HSPA5: variants seen among roughly 807,000 people sequenced by gnomAD.
HSPA5 encodes the protein heat shock protein family A (Hsp70) member 5.
HSPA5 carries 16 observed loss-of-function variants against 49.5 expected under a neutral mutation model. That is an observed-to-expected ratio of 0.32 (90% confidence interval 0.22 to 0.49). The LOEUF (loss-of-function observed/expected upper bound fraction) is 0.49. Ranked by LOEUF, HSPA5 falls within the 20% of genes least tolerant of loss-of-function variation. HSPA5 has a pLI of 0.99. For synonymous variants in HSPA5, 271 were observed against 307.2 expected (o/e 0.88, Z 1.23); for missense variants, 376 against 819.0 (o/e 0.46, Z 6.60).
chr9:125,239,532 A>AC lies in HSPA5; in HGVS notation c.493dup (p.Val165GlyfsTer13). ...TGGTACAGTAACAACTGCATGGGTA[A>AC]CCTAAAAGGATAAAAGATAATTAAG... On this transcript the variant is annotated frameshift_variant and splice_region_variant, in exon 4 of 8. Coordinates refer to ENST00000324460, the MANE Select transcript of HSPA5 (RefSeq NM_005347.5). LOFTEE classifies it high-confidence loss of function. The surrounding 1 kb of genome is among the most constrained non-coding windows in gnomAD (Gnocchi z 5.5). 1 of 1,601,338 alleles carries AC rather than the reference A, an allele frequency of 6.2e-7. No homozygotes were observed. Among genetic ancestry groups the AC allele is most frequent in the Non-Finnish European group, 8.6e-7 (1 of 1,168,466 alleles).
chr9:125,238,668 G>A lies in HSPA5; in HGVS notation c.1156C>T (p.Arg386Cys). ...KEFFNGKEPS[R>C]GINPDEAVAY... Reference sequence around the variant, plus strand: ...ACAGCTTCATCTGGGTTTATGCCACGGGATGGTTCCTTGCCATTGAAGAAC... The same window carrying A: ...ACAGCTTCATCTGGGTTTATGCCACAGGATGGTTCCTTGCCATTGAAGAAC... Residue 386 changes from arginine (R) to cysteine (C), a missense_variant, in exon 6 of 8, where the codon CGT becomes TGT. Physicochemically the swap from Arg to Cys is radical, Grantham distance 180. Transcript: ENST00000324460. 3.1e-6 allele frequency: 5 copies of A among 1,614,154 alleles called. No homozygotes were observed. Among genetic ancestry groups the A allele is most frequent in the South Asian group, 1.1e-5 (1 of 91,088 alleles).
At position 125,236,082 on chromosome 9, in the gene HSPA5, TAAA is replaced by T. The variant is rs34358468; in HGVS notation, c.*507_*509del. On this transcript the variant is annotated 3_prime_UTR_variant, in exon 8 of 8. Transcript: ENST00000324460. ...AAGGATCACTTGGGCCCAGGAGGGT[TAAA>T]AAAAAAAAAAAAAATCCCTGGAAGC... is the stretch of plus-strand genomic sequence containing the variant. 7 of 141,072 alleles carry T rather than the reference TAAA, an allele frequency of 5.0e-5. No homozygotes were observed. Among genetic ancestry groups the T allele is most frequent in the Non-Finnish European group, 7.6e-5 (5 of 65,394 alleles). 8.7% of individuals were successfully genotyped at this position (141,072 alleles called of 1,614,324 possible).
chr9:125,237,313 CAAT>C (rs1233735678), intron 7 of HSPA5, among the ~76,000 whole-genome samples, 159 bp from the exon 8 acceptor site: 5 of 152,316 alleles, frequency 3.3e-5, no homozygotes, highest in African/African-American at 9.6e-5. Context: ...CTAGTACTAA[CAAT>C]GAGTTAGGTT....
At chr9:125,237,881 G>A (rs181600019) in intron 7 of HSPA5, among the ~76,000 whole-genome samples, 100 of 151,910 alleles carry the variant, frequency 6.6e-4, no homozygotes, top group African/African-American at 2.2e-3. Context: ...GCAGGCAGAT[G>A]ACCTGAGGTC....
Position 125,240,942 on chromosome 9 carries a change from C to T in HSPA5, c.123-35G>A, listed in dbSNP as rs1343466554. ...AAACCCGACAGAGGGACATCAGCAC[C>T]GCACTTCTCACGCCAGGCCAGGCGG... On this transcript the variant is annotated intron_variant, in intron 1 of 7. Transcript: ENST00000324460. This position sits in a 1 kb window ranked among gnomAD's most constrained non-coding sequence, Gnocchi z 4.4. 1 of 1,612,578 alleles carries T rather than the reference C, an allele frequency of 6.2e-7. No homozygotes were observed. The highest frequency in any genetic ancestry group is 1.1e-5 in the South Asian group (1 of 91,040).
chr9:125,236,218 A>C lies in HSPA5; in HGVS notation c.*374T>G. 1 of 183,642 alleles carries C rather than the reference A, an allele frequency of 5.4e-6. No homozygotes were observed. Among genetic ancestry groups the C allele is most frequent in the Non-Finnish European group, 1.1e-5 (1 of 89,532 alleles). The allele number at this position is 183,642 out of a possible 1,614,324, so 11.4% of individuals were successfully genotyped here. A position where few individuals can be genotyped will look rare whatever the true frequency, so the allele number is the denominator to read the frequency against. On this transcript the variant is annotated 3_prime_UTR_variant, in exon 8 of 8. Coordinates refer to ENST00000324460, the MANE Select transcript of HSPA5 (RefSeq NM_005347.5). ...CCTAAAATAAGTAATTGATCTAATT[A>C]GAAGCTTCTCACAAACATTAGACCA...
intron 6 of HSPA5, 42 bp downstream of exon 6, chr9:125,238,548 A>C (rs762008972): frequency 2.0e-6 from 3 of 1,475,492 alleles, no homozygotes; most frequent in Non-Finnish European, 2.8e-6. Flanking sequence ...TCTTCCATCA[A>C]GCTACTGAAT....
rs1832545991 is a variant in HSPA5, at chr9:125,240,132, A to G, written c.492+40T>C. 2 of 1,532,578 alleles carry G rather than the reference A, an allele frequency of 1.3e-6. No homozygotes were observed. Among genetic ancestry groups the G allele is most frequent in the African/African-American group, 2.8e-5 (2 of 71,682 alleles). 94.9% of individuals were successfully genotyped at this position (1,532,578 alleles called of 1,614,324 possible). A position where few individuals can be genotyped will look rare whatever the true frequency, so the allele number is the denominator to read the frequency against. ...ACATAACAGCCAACCGAGAATACTA[A>G]TGATCAAAAAATACTTAACATTGTT... On this transcript the variant is annotated intron_variant, in intron 3 of 7. Transcript: ENST00000324460. This position sits in a 1 kb window ranked among gnomAD's most constrained non-coding sequence, Gnocchi z 4.4.
At position 125,240,724 on chromosome 9, in the gene HSPA5, C is replaced by T; in HGVS notation, c.306G>A (p.Thr102=). The T allele has an allele frequency of 6.2e-7, 1 of 1,614,216 alleles. No homozygotes were observed. The highest frequency in any genetic ancestry group is 8.5e-7 in the Non-Finnish European group (1 of 1,180,040). The part of the protein sequence containing the change: ...VFDAKRLIGR[T]WNDPSVQQDI... ...CCTGCTGCACAGACGGGTCATTCCACGTGCGGCCGATGAGCCGCTTGGCGT... is the reference window on the plus strand; with the variant it reads ...CCTGCTGCACAGACGGGTCATTCCATGTGCGGCCGATGAGCCGCTTGGCGT... The change falls in exon 2 of 8, where the codon ACG becomes ACA. Residue 102 remains threonine, a synonymous_variant. Transcript: ENST00000324460. The surrounding 1 kb of genome is among the most constrained non-coding windows in gnomAD (Gnocchi z 4.4).
In HSPA5 at chr9:125,241,209, G is replaced by A. The variant is rs1015246611; in HGVS notation, c.-83C>T. The A allele has an allele frequency of 3.3e-5, 50 of 1,509,248 alleles. No individual in the cohort carries two copies. Among genetic ancestry groups the A allele is most frequent in the Non-Finnish European group, 4.2e-5 (47 of 1,124,942 alleles). The allele number at this position is 1,509,248 out of a possible 1,614,324, so 93.5% of individuals were successfully genotyped here. A position where few individuals can be genotyped will look rare whatever the true frequency, so the allele number is the denominator to read the frequency against. On this transcript the variant is annotated 5_prime_UTR_variant, in exon 1 of 8. Transcript: ENST00000324460. Reference sequence around the variant, plus strand: ...ACAGCGCAATTTCCGACTTGCAGGCGGCAGGGGCCCGGGGTCACAAGGCGC... The same window carrying A: ...ACAGCGCAATTTCCGACTTGCAGGCAGCAGGGGCCCGGGGTCACAAGGCGC...
Position 125,239,292 on chromosome 9 carries a change from C to G in HSPA5, c.645G>C (p.Glu215Asp). ...AAIAYGLDKR[E>D]GEKNILVFDL... ...CAAACACCAGGATGTTCTTCTCCCC[C>G]TCCCTCTTATCCAGGCCATAAGCAA... The change falls in exon 5 of 8, where the codon GAG (glutamate) becomes GAC (aspartate). Residue 215 changes from glutamate (E) to aspartate (D), a missense_variant. By Grantham distance (45) the Glu-to-Asp change is conservative. Around this residue, in one of 8 missense-constraint regions of HSPA5, gnomAD observed 89 missense variants for 200.0 expected, o/e 0.44. Transcript: ENST00000324460. This position sits in a 1 kb window ranked among gnomAD's most constrained non-coding sequence, Gnocchi z 5.5. 6.2e-7 allele frequency: 1 copy of G among 1,613,822 alleles called. No homozygotes were observed. Among genetic ancestry groups the G allele is most frequent in the Non-Finnish European group, 8.5e-7 (1 of 1,179,794 alleles).
rs376085156 is a variant in HSPA5, at chr9:125,239,338, G to A, written c.606-7C>T. The A allele has an allele frequency of 1.7e-4, 273 of 1,611,820 alleles. 1 individual carries two copies. Among genetic ancestry groups the A allele is most frequent in the Admixed American group, 8.3e-5 (5 of 59,932 alleles). On this transcript the variant is annotated splice_region_variant and splice_polypyrimidine_tract_variant and intron_variant, in intron 4 of 7. Transcript: ENST00000324460. This position sits in a 1 kb window ranked among gnomAD's most constrained non-coding sequence, Gnocchi z 5.5. ...AGCAATAGCAGCTGCCGTACTATTA[G>A]ATTGAAAAAGGGAAAAGTTTTGTCA...
In HSPA5 at chr9:125,239,035, G is replaced by C; in HGVS notation, c.902C>G (p.Ser301Cys). 1 of 1,614,164 alleles carries C rather than the reference G, an allele frequency of 6.2e-7. No individual in the cohort carries two copies. The highest frequency in any genetic ancestry group is 8.5e-7 in the Non-Finnish European group (1 of 1,180,042). Residue 301 changes from serine to cysteine, a missense_variant, in exon 5 of 8, where the codon TCT (serine) becomes TGT (cysteine). Physicochemically the swap from Ser to Cys is moderately radical, Grantham distance 112. Coordinates refer to ENST00000324460, the MANE Select transcript of HSPA5 (RefSeq NM_005347.5). The surrounding 1 kb of genome is among the most constrained non-coding windows in gnomAD (Gnocchi z 5.5). Reference sequence around the variant, plus strand: ...AATTTCAATTCTTGCTTGATGCTGAGAAGACAGGGCCCGTTTGGCCTTTTC... The same window carrying C: ...AATTTCAATTCTTGCTTGATGCTGACAAGACAGGGCCCGTTTGGCCTTTTC... ...EVEKAKRALS[S>C]QHQARIEIES...
rs1832551549 is a variant in HSPA5, at chr9:125,240,580, T to A, written c.354+96A>T. 1 of 1,017,196 alleles carries A rather than the reference T, an allele frequency of 9.8e-7. No individual in the cohort carries two copies. The highest frequency in any genetic ancestry group is 1.5e-6 in the Non-Finnish European group (1 of 665,162). 63.0% of individuals were successfully genotyped at this position (1,017,196 alleles called of 1,614,324 possible). A position where few individuals can be genotyped will look rare whatever the true frequency, so the allele number is the denominator to read the frequency against. On this transcript the variant is annotated intron_variant, in intron 2 of 7. Transcript: ENST00000324460. This position sits in a 1 kb window ranked among gnomAD's most constrained non-coding sequence, Gnocchi z 4.4. The stretch of plus-strand genomic sequence containing the variant: ...ATTACATACATCATGTCTATAACCT[T>A]CAACTGTTGTCTCAACACTTTTCCA...
chr9:125,240,700 C>T lies in HSPA5; in HGVS notation c.330G>A (p.Gln110=). Residue 110 remains glutamine (Q), a synonymous_variant, in exon 2 of 8, where the codon CAG becomes CAA. Coordinates refer to ENST00000324460, the MANE Select transcript of HSPA5 (RefSeq NM_005347.5). The surrounding 1 kb of genome is among the most constrained non-coding windows in gnomAD (Gnocchi z 4.4). ...GRTWNDPSVQ[Q]DIKFLPFKVV... Reference sequence around the variant, plus strand: ...CCTTGAACGGCAAGAACTTGATGTCCTGCTGCACAGACGGGTCATTCCACG... The same window carrying T: ...CCTTGAACGGCAAGAACTTGATGTCTTGCTGCACAGACGGGTCATTCCACG... 2 of 1,614,116 alleles carry T rather than the reference C, an allele frequency of 1.2e-6. No individual in the cohort carries two copies. The highest frequency in any genetic ancestry group is 1.1e-5 in the South Asian group (1 of 91,080).
In HSPA5 at chr9:125,236,539, C is replaced by T; in HGVS notation, c.*53G>A. ...TTAAGTTCTTTCAATTTTTTCCTAA[C>T]AAAAGTTCCTGAGTCCAGTATTTAC... On this transcript the variant is annotated 3_prime_UTR_variant, in exon 8 of 8. Transcript: ENST00000324460. The T allele has an allele frequency of 7.5e-7, 1 of 1,326,178 alleles. No homozygotes were observed. Among genetic ancestry groups the T allele is most frequent in the Non-Finnish European group, 1.0e-6 (1 of 967,586 alleles). 82.2% of individuals were successfully genotyped at this position (1,326,178 alleles called of 1,614,324 possible).
In HSPA5 at chr9:125,240,923, G is replaced by A; in HGVS notation, c.123-16C>T. On this transcript the variant is annotated splice_polypyrimidine_tract_variant and intron_variant, in intron 1 of 7. Coordinates refer to ENST00000324460, the MANE Select transcript of HSPA5 (RefSeq NM_005347.5). This position sits in a 1 kb window ranked among gnomAD's most constrained non-coding sequence, Gnocchi z 4.4. ...CACGCCGACGCTGGCAGAAAAACCCGACAGAGGGACATCAGCACCGCACTT... is the reference window on the plus strand; with the variant it reads ...CACGCCGACGCTGGCAGAAAAACCCAACAGAGGGACATCAGCACCGCACTT... 1.2e-6 allele frequency: 2 copies of A among 1,613,532 alleles called. No homozygotes were observed. The highest frequency in any genetic ancestry group is 1.7e-6 in the Non-Finnish European group (2 of 1,179,468).
chr9:125,238,565 G>C, intron 6 of HSPA5, 25 bp downstream of exon 6: 3 of 1,558,500 alleles, frequency 1.9e-6, no homozygotes, highest in Admixed American at 1.7e-5. Context: ...GAATCACTAA[G>C]AAAGATGCTG....
Position 125,241,302 on chromosome 9 carries a change from A to T in HSPA5, c.-176T>A. ...CGCTTCCCTCTCACACTCGCGAAACACCCCAATAGGTCAATCTGTCTGTGC... is the reference window on the plus strand; with the variant it reads ...CGCTTCCCTCTCACACTCGCGAAACTCCCCAATAGGTCAATCTGTCTGTGC... On this transcript the variant is annotated 5_prime_UTR_variant, in exon 1 of 8. Transcript: ENST00000324460. 1.5e-6 allele frequency: 1 copy of T among 672,690 alleles called. No homozygotes were observed. Among genetic ancestry groups the T allele is most frequent in the Non-Finnish European group, 2.5e-6 (1 of 403,622 alleles). The allele number at this position is 672,690 out of a possible 1,614,324, so 41.7% of individuals were successfully genotyped here. A position where few individuals can be genotyped will look rare whatever the true frequency, so the allele number is the denominator to read the frequency against.
Sources: gnomAD v4.1 joint callset for allele counts (sites outside exome capture counted in the v4.1 genomes callset) on GRCh38, gnomAD v4.1.1 for gene constraint, gnomAD v4.1.1 regional missense constraint, Gnocchi (gnomAD v3.1) non-coding constraint, MANE v1.5 for transcripts, NCBI Gene and HGNC (gene_info 2026-07-23, HGNC 2026-07-21) for gene names.